The following FLNB variants were observed in gnomAD, a reference collection of about 807,000 sequenced individuals.
The protein encoded by FLNB is filamin-B.
Under a neutral mutation model 250.6 loss-of-function variants are expected in FLNB, and 111 were observed. The ratio of observed to expected loss-of-function variants is 0.44; its 90% CI spans 0.38 to 0.52. FLNB has a LOEUF of 0.52. Among genes scored for constraint, FLNB ranks in the 20% least tolerant of loss-of-function variants. The pLI, the probability that FLNB is intolerant of heterozygous loss-of-function variation, is 0.00. For missense variants in FLNB, 2,869 were observed against 3,447.8 expected (o/e 0.83, Z 4.20); for synonymous variants, 1,302 against 1,372.1 (o/e 0.95, Z 1.13).
chr3:58,068,426 A>C (rs1718477), intron 1 of FLNB, among the ~76,000 whole-genome samples: 9,693 of 152,052 alleles, frequency 0.064, 984 homozygotes, highest in African/African-American at 0.21. Context: ...GATGGAAGGG[A>C]TATGGGACTT....
At chr3:58,061,799 AT>A (rs1222122903) in intron 1 of FLNB, among the ~76,000 whole-genome samples, 1 of 151,622 alleles carries the variant, frequency 6.6e-6, no homozygotes, top group African/African-American at 2.4e-5. Flanking sequence ...TAAAAATTAA[AT>A]TTTTGGGGGG....
At chr3:58,008,939 C>G (rs1444543456) in intron 1 of FLNB, 83 bp downstream of exon 1, 9 of 1,533,684 alleles carry the variant, frequency 5.9e-6, no homozygotes, top group Non-Finnish European at 8.1e-6. Context: ...GCGAGGATTT[C>G]CCGCAGCGCG....
rs750512800 is a variant in FLNB, at chr3:58,008,693, C to T, written c.129C>T (p.Asp43=). The change falls in exon 1 of 46, where the codon GAC becomes GAT. Residue 43 remains aspartate (D), a synonymous_variant. Coordinates refer to ENST00000295956, the MANE Select transcript of FLNB (RefSeq NM_001457.4). ...AACGCATCGGCAACCTGCAGACCGA[C>T]CTGAGCGACGGGCTGCGGCTCATCG... ...VNKRIGNLQT[D]LSDGLRLIAL... 8.7e-6 allele frequency: 14 copies of T among 1,614,198 alleles called. No homozygotes were observed. The highest frequency in any genetic ancestry group is 6.7e-5 in the East Asian group (3 of 44,876).
chr3:58,154,740 A>C, intron 39 of FLNB, 51 bp from the exon 40 acceptor site: 1 of 1,604,228 alleles, frequency 6.2e-7, no homozygotes, highest in Non-Finnish European at 8.5e-7. Context: ...TGGAAGAGGG[A>C]CAGGGGCTCT....
At chr3:58,087,302 G>T (rs1020332589) in intron 4 of FLNB, among the ~76,000 whole-genome samples, 6 of 152,072 alleles carry the variant, frequency 3.9e-5, no homozygotes, top group African/African-American at 1.4e-4. Context: ...AGTGATTGTG[G>T]ATAAAAAATC....
chr3:58,047,791 T>G (rs2097156320), intron 1 of FLNB, among the ~76,000 whole-genome samples: 1 of 152,050 alleles, frequency 6.6e-6, no homozygotes, highest in Non-Finnish European at 1.5e-5. Context: ...CGTGAACTAT[T>G]GACCTCAAGT....
chr3:58,121,342 G>A lies in FLNB; in HGVS notation c.2965G>A (p.Val989Met), dbSNP rs76471260. 3.3e-5 allele frequency: 54 copies of A among 1,614,162 alleles called. No homozygotes were observed. In the East Asian group the frequency reaches 3.6e-4, roughly 11 times the overall value. The change falls in exon 20 of 46, where the codon GTG becomes ATG. Residue 989 changes from valine to methionine, a missense_variant. Val to Met is a conservative substitution (Grantham distance 21, BLOSUM62 1). This residue lies in a region of FLNB where 1,348 missense variants were observed against 1,466.7 expected (regional missense o/e 0.92). Transcript: ENST00000295956. ...VTILSPSRKVVPCLVTPVTGR... is the reference protein window; with the variant it reads ...VTILSPSRKVMPCLVTPVTGR... Reference sequence around the variant, plus strand: ...AATCCTCAGCCCCTCTCGGAAGGTCGTGCCATGCCTAGTGACACCTGTGAC... The same window carrying A: ...AATCCTCAGCCCCTCTCGGAAGGTCATGCCATGCCTAGTGACACCTGTGAC...
chr3:58,128,101 C>G (rs1390167691), intron 24 of FLNB, among the ~76,000 whole-genome samples: 1 of 152,178 alleles, frequency 6.6e-6, no homozygotes, highest in African/African-American at 2.4e-5. Flanking sequence ...GGGTCTTGTT[C>G]TTCTTTCTCT....
intron 21 of FLNB, 36 bp downstream of exon 21, chr3:58,123,726 A>G (rs1575428653): frequency 1.0e-5 from 13 of 1,305,482 alleles, no homozygotes; most frequent in Non-Finnish European, 1.2e-5. Flanking sequence ...AAAAAAAAAA[A>G]GACAAGCTGG....
At chr3:58,044,528 G>A (rs1428260191) in intron 1 of FLNB, among the ~76,000 whole-genome samples, 10 of 152,208 alleles carry the variant, frequency 6.6e-5, no homozygotes, top group Admixed American at 5.2e-4. Context: ...AGGAGGCTGA[G>A]GTGGGAGGAT....
intron 33 of FLNB, among the ~76,000 whole-genome samples, 158 bp downstream of exon 33, chr3:58,146,207 C>T (rs1559727978): frequency 2.0e-5 from 3 of 152,228 alleles, no homozygotes; most frequent in Admixed American, 1.3e-4. Context: ...AGAGCCGCTT[C>T]GTCTTCTACC....
chr3:58,136,268 C>T (rs2097315751), intron 28 of FLNB, 100 bp downstream of exon 28: 25 of 1,171,966 alleles, frequency 2.1e-5, no homozygotes, highest in South Asian at 2.1e-4. Context: ...GATCTGGGCA[C>T]GTTGCTCAAC....
intron 4 of FLNB, among the ~76,000 whole-genome samples, chr3:58,087,081 A>C (rs1431721407): frequency 1.3e-5 from 2 of 150,830 alleles, no homozygotes; most frequent in African/African-American, 2.4e-5. Context: ...ACTGCACTCC[A>C]GGCTGGCGAC....
intron 4 of FLNB, among the ~76,000 whole-genome samples, chr3:58,084,276 C>T (rs9858862): frequency 6.6e-6 from 1 of 151,886 alleles, no homozygotes; most frequent in African/African-American, 2.4e-5. Context: ...AAAGGTTATG[C>T]TTCCTTAATG....
chr3:58,170,546 G>A (rs375506147), intron 45 of FLNB, 29 bp from the exon 46 acceptor site: 51 of 1,606,816 alleles, frequency 3.2e-5, no homozygotes, highest in Middle Eastern at 1.7e-4. Flanking sequence ...TGATGCATCC[G>A]GGTGGAGTAA....
At chr3:58,063,253 G>C (rs2097180994) in intron 1 of FLNB, among the ~76,000 whole-genome samples, 1 of 152,204 alleles carries the variant, frequency 6.6e-6, no homozygotes, top group South Asian at 2.1e-4. Flanking sequence ...CCAGCGACCT[G>C]CCCTTTCTTT....
At position 58,134,624 on chromosome 3, in the gene FLNB, A is replaced by G. The variant is rs752461629; in HGVS notation, c.4523A>G (p.Lys1508Arg). 3.7e-6 allele frequency: 6 copies of G among 1,613,978 alleles called. No individual in the cohort carries two copies. In the African/African-American group the frequency reaches 5.3e-5, roughly 14 times the overall value. ...TGTGTGTGTCTATCAAGTCCCTTCAAGGTCAAGGTCCTTCCCACATATGAT... is the reference window on the plus strand; with the variant it reads ...TGTGTGTGTCTATCAAGTCCCTTCAGGGTCAAGGTCCTTCCCACATATGAT... ...ADEEIPRSPFKVKVLPTYDAS... is the reference protein window; with the variant it reads ...ADEEIPRSPFRVKVLPTYDAS... The change falls in exon 27 of 46, where the codon AAG (lysine) becomes AGG (arginine). Residue 1508 changes from lysine to arginine, a missense_variant. Coordinates refer to ENST00000295956, the MANE Select transcript of FLNB (RefSeq NM_001457.4).
intron 24 of FLNB, 64 bp from the exon 25 acceptor site, chr3:58,130,676 TG>T: frequency 6.5e-7 from 1 of 1,545,412 alleles, no homozygotes; most frequent in Non-Finnish European, 8.9e-7. Flanking sequence ...AGTGCTATTC[TG>T]GGTGTGCACA....
chr3:58,034,400 A>ATT (rs56948095), intron 1 of FLNB, among the ~76,000 whole-genome samples: 14 of 141,170 alleles, frequency 9.9e-5, no homozygotes, highest in African/African-American at 2.6e-4. Flanking sequence ...TTTAAAGACA[A>ATT]TTTTTTTTTT....
Sources: gnomAD v4.1 joint callset for allele counts (sites outside exome capture counted in the v4.1 genomes callset) on GRCh38, gnomAD v4.1.1 for gene constraint, gnomAD v4.1.1 regional missense constraint, MANE v1.5 for transcripts, NCBI Gene and HGNC (gene_info 2026-07-23, HGNC 2026-07-21) for gene names.